NUDT6: variants seen among roughly 807,000 people sequenced by gnomAD.
NUDT6 encodes the protein nudix hydrolase 6.
NUDT6 carries 24 observed loss-of-function variants against 36.8 expected under a neutral mutation model. The ratio of observed to expected loss-of-function variants is 0.65; its 90% CI spans 0.47 to 0.92. The LOEUF is 0.92. Ranked by LOEUF, NUDT6 falls within the 40% of genes least tolerant of loss-of-function variation. The pLI is 0.00. For missense variants in NUDT6, 388 were observed against 392.8 expected, an observed-to-expected ratio of 0.99 and a Z score of 0.10; for synonymous variants, 163 against 157.0, an observed-to-expected ratio of 1.04 and a Z score of -0.29.
chr4:122,904,190 G>T (rs1360867007), intron 3 of NUDT6, among the ~76,000 whole-genome samples: 1 of 152,142 alleles, frequency 6.6e-6, no homozygotes, highest in East Asian at 1.9e-4. Flanking sequence ...CTGACCATTA[G>T]CACCTAGATG....
At chr4:122,920,271 A>C (rs1727944888) in intron 1 of NUDT6, 1 of 152,182 alleles carries the variant, frequency 6.6e-6, no homozygotes, top group Non-Finnish European at 1.5e-5. Flanking sequence ...ATAGTGCAGT[A>C]AGAAAGGTGT....
chr4:122,907,700 C>T (rs1219037718), intron 3 of NUDT6, among the ~76,000 whole-genome samples: 4 of 152,076 alleles, frequency 2.6e-5, no homozygotes, highest in East Asian at 1.9e-4. Context: ...CTGCCCGCCT[C>T]GGCCTCCCAA....
At chr4:122,917,782 C>G in intron 1 of NUDT6, 78 bp from the exon 2 acceptor site, 6 of 1,354,020 alleles carry the variant, frequency 4.4e-6, no homozygotes, top group Non-Finnish European at 6.1e-6. Context: ...CAGGGTTTCG[C>G]CTCCTCCAGG....
At position 122,897,612 on chromosome 4, in the gene NUDT6, A is replaced by C; in HGVS notation, c.553+12T>G. ...CATTTTTAAGCCAATTAAAAATATA[A>C]AAGATACACACCAATATCTTCTTCA... On this transcript the variant is annotated intron_variant, in intron 4 of 4. Coordinates refer to ENST00000304430, the MANE Select transcript of NUDT6 (RefSeq NM_007083.5). The C allele has an allele frequency of 1.3e-6, 2 of 1,577,488 alleles. No homozygotes were observed. The highest frequency in any genetic ancestry group is 1.7e-6 in the Non-Finnish European group (2 of 1,147,040).
At chr4:122,919,525 C>G (rs890236652) in intron 1 of NUDT6, 1 of 152,208 alleles carries the variant, frequency 6.6e-6, no homozygotes, top group African/African-American at 2.4e-5. Flanking sequence ...AAAACTGAAT[C>G]TTACACCCCA....
chr4:122,898,228 T>C (rs1727426996), intron 3 of NUDT6: 1 of 152,298 alleles, frequency 6.6e-6, no homozygotes, highest in Admixed American at 6.5e-5. Flanking sequence ...TGTGTTTTCT[T>C]GTCTCCCATT....
At chr4:122,904,094 G>A (rs1460192563) in intron 3 of NUDT6, among the ~76,000 whole-genome samples, 1 of 152,168 alleles carries the variant, frequency 6.6e-6, no homozygotes, top group Non-Finnish European at 1.5e-5. Flanking sequence ...TAAAGGCAAA[G>A]CTTTCTGAGA....
At chr4:122,916,406 A>C (rs1366964895) in intron 2 of NUDT6, among the ~76,000 whole-genome samples, 1 of 152,218 alleles carries the variant, frequency 6.6e-6, no homozygotes, top group East Asian at 1.9e-4. Context: ...TGTAAATATT[A>C]TTAAGAAGTA....
At position 122,922,508 on chromosome 4, in the gene NUDT6, G is replaced by A; in HGVS notation, c.65C>T (p.Pro22Leu). 6.2e-7 allele frequency: 1 copy of A among 1,609,628 alleles called. No individual in the cohort carries two copies. The highest frequency in any genetic ancestry group is 8.5e-7 in the Non-Finnish European group (1 of 1,179,616). ...CGAGGCCCAGCGGTAACCCGCCGAAGGCCCGGGGCCGTAGGTTCGGGCAAG... is the reference window on the plus strand; with the variant it reads ...CGAGGCCCAGCGGTAACCCGCCGAAAGCCCGGGGCCGTAGGTTCGGGCAAG... ...AMLARTYGPGPSAGYRWASGA... is the reference protein window; with the variant it reads ...AMLARTYGPGLSAGYRWASGA... The change falls in exon 1 of 5, where the codon CCT (proline) becomes CTT (leucine). Residue 22 changes from proline (P) to leucine (L), a missense_variant. Coordinates refer to ENST00000304430, the MANE Select transcript of NUDT6 (RefSeq NM_007083.5).
At chr4:122,907,279 C>T (rs146113001) in intron 3 of NUDT6, among the ~76,000 whole-genome samples, 3,328 of 151,470 alleles carry the variant, frequency 0.022, 61 homozygotes, top group Non-Finnish European at 0.036. Flanking sequence ...TACAGGCATG[C>T]GCCACCATGC....
At chr4:122,918,129 T>C (rs1337344982) in intron 1 of NUDT6, 1 of 157,244 alleles carries the variant, frequency 6.4e-6, no homozygotes, top group African/African-American at 2.4e-5. Flanking sequence ...TCTGTTATAA[T>C]GTTTTTAATG....
chr4:122,906,516 G>C (rs564331406), intron 3 of NUDT6, among the ~76,000 whole-genome samples: 120 of 152,238 alleles, frequency 7.9e-4, no homozygotes, highest in African/African-American at 2.6e-3. Flanking sequence ...ATGCCAGCAT[G>C]CTGACTGGAC....
intron 4 of NUDT6, chr4:122,896,052 CA>C (rs1727340622): frequency 6.6e-6 from 1 of 152,578 alleles, no homozygotes. Context: ...AATTTTCAGG[CA>C]AAGCTTTAAT....
chr4:122,918,499 G>A (rs1727899033), intron 1 of NUDT6: 1 of 152,154 alleles, frequency 6.6e-6, no homozygotes, highest in Non-Finnish European at 1.5e-5. Flanking sequence ...CAGATTTAGA[G>A]TTTTTAGAAA....
chr4:122,917,426 G>T, intron 2 of NUDT6, 75 bp downstream of exon 2: 1 of 1,181,796 alleles, frequency 8.5e-7, no homozygotes, highest in Non-Finnish European at 1.3e-6. Flanking sequence ...TAAACTATTT[G>T]CTTAGCTGTA....
intron 3 of NUDT6, among the ~76,000 whole-genome samples, chr4:122,912,045 G>C (rs571008667): frequency 1.3e-5 from 2 of 151,894 alleles, no homozygotes; most frequent in Non-Finnish European, 2.9e-5. Context: ...TTTTTCTTCT[G>C]CACCTGGAAA....
At chr4:122,921,611 A>AAAACAAACAAACAAAC (rs1553953086) in intron 1 of NUDT6, 90 of 119,212 alleles carry the variant, frequency 7.5e-4, no homozygotes, top group African/African-American at 3.2e-3. Context: ...AAAAAAAAAA[A>AAAACAAACAAACAAAC]AAAAAAACAA....
chr4:122,896,097 A>G (rs1262602117), intron 4 of NUDT6: 1 of 152,604 alleles, frequency 6.6e-6, no homozygotes, highest in Non-Finnish European at 1.5e-5. Context: ...GCTAATGCCA[A>G]CGGCAGTTTT....
upstream of NUDT6, chr4:122,922,945 G>A: frequency 4.7e-6 from 3 of 641,406 alleles, no homozygotes; most frequent in Non-Finnish European, 8.2e-6. Context: ...CACAGATGCC[G>A]TTACAGCTGT....
Sources: gnomAD v4.1 joint callset for allele counts (sites outside exome capture counted in the v4.1 genomes callset) on GRCh38, gnomAD v4.1.1 for gene constraint, MANE v1.5 for transcripts, NCBI Gene and HGNC (gene_info 2026-07-23, HGNC 2026-07-21) for gene names.